The following EXOC6 variants were observed in gnomAD, a reference collection of about 807,000 sequenced individuals.
EXOC6 encodes SEC15-like 1.
In EXOC6, 60 loss-of-function variants were observed where a neutral mutation model predicts 112.5. The observed-to-expected ratio is 0.53, with a 90% CI of 0.43 to 0.66. The LOEUF (loss-of-function observed/expected upper bound fraction) is 0.66, where lower values mean the gene tolerates loss of function less well. Ranked by LOEUF, EXOC6 falls within the 30% of genes least tolerant of loss-of-function variation. The probability of loss-of-function intolerance (pLI) is 0.00; values close to 1 mark genes in which losing one functional copy is unlikely to be tolerated. For missense variants in EXOC6, 855 were observed against 957.1 expected, an observed-to-expected ratio of 0.89 and a Z score of 1.41; for synonymous variants, 295 against 308.0, an observed-to-expected ratio of 0.96 and a Z score of 0.44.
chr10:92,858,025 C>CCCCT lies in EXOC6; in HGVS notation c.101+9394_101+9395insTCCC, dbSNP rs1429555831. On this transcript the variant is annotated intron_variant, in intron 1 of 21. Transcript: ENST00000260762. ...GTAAGATTTTTAGTTGACGGGTTCC[C>CCCCT]CCCCTCCGCCGGCCAGCAGTTTGAA... 1.3e-3 allele frequency among the ~76,000 whole-genome samples: 168 copies of CCCCT among 133,838 alleles called. 22 individuals are homozygous for CCCCT. The East Asian group carries it at 0.013, about 11-fold the overall frequency. The allele number at this position is 133,838 out of a possible 152,430, so 87.8% of individuals were successfully genotyped here.
chr10:93,002,135 C>T (rs545782404), intron 19 of EXOC6, among the ~76,000 whole-genome samples: 1 of 152,116 alleles, frequency 6.6e-6, no homozygotes, highest in African/African-American at 2.4e-5. Context: ...TCTGTGTATT[C>T]CTCCCCCCCT....
intron 18 of EXOC6, among the ~76,000 whole-genome samples, chr10:92,976,655 C>G (rs1294253731): frequency 2.8e-5 from 4 of 141,306 alleles, no homozygotes; most frequent in African/African-American, 1.1e-4. Context: ...CAAGAATGAT[C>G]AGTAAAAAAA....
At chr10:92,886,213 A>G (rs1849206875) in intron 1 of EXOC6, among the ~76,000 whole-genome samples, 2 of 152,234 alleles carry the variant, frequency 1.3e-5, no homozygotes, top group Non-Finnish European at 2.9e-5. Flanking sequence ...GTTCCTACAA[A>G]TCAGAATTTC....
intron 6 of EXOC6, among the ~76,000 whole-genome samples, chr10:92,913,809 A>AT (rs1850935623): frequency 6.6e-6 from 1 of 152,192 alleles, no homozygotes; most frequent in African/African-American, 2.4e-5. Context: ...GGATCTAGCT[A>AT]TTATGCCTAA....
intron 20 of EXOC6, among the ~76,000 whole-genome samples, chr10:93,041,858 C>T (rs1845796581): frequency 6.6e-6 from 1 of 152,196 alleles, no homozygotes; most frequent in Non-Finnish European, 1.5e-5. Context: ...ACTACAGGCA[C>T]ATGCCACCAA....
At position 92,965,491 on chromosome 10, in the gene EXOC6, A is replaced by G. The variant is rs555433561; in HGVS notation, c.1774-8562A>G. Among the ~76,000 whole-genome samples, 82 of 152,292 alleles carry G rather than the reference A, an allele frequency of 5.4e-4. No individual in the cohort carries two copies. In the South Asian group the frequency reaches 8.7e-3, roughly 16 times the overall value. On this transcript the variant is annotated intron_variant, in intron 17 of 21. Transcript: ENST00000260762. Reference sequence around the variant, plus strand: ...TTACATTTTATTTAAGAGTTAGCTGATATGCTGACTAGAATGTCAAGAGTT... The same window carrying G: ...TTACATTTTATTTAAGAGTTAGCTGGTATGCTGACTAGAATGTCAAGAGTT...
chr10:93,036,232 A>G (rs1019701692), intron 20 of EXOC6, among the ~76,000 whole-genome samples: 7 of 147,076 alleles, frequency 4.8e-5, no homozygotes, highest in South Asian at 2.2e-4. Flanking sequence ...AAAAAAAAAG[A>G]AAAAAAAGAG....
chr10:92,891,998 G>A (rs1428122160), intron 1 of EXOC6, among the ~76,000 whole-genome samples: 1 of 152,190 alleles, frequency 6.6e-6, no homozygotes, highest in East Asian at 1.9e-4. Context: ...AAGTTTACCT[G>A]TCCTGCAGAT....
At chr10:93,010,719 A>G (rs1844199199) in intron 19 of EXOC6, among the ~76,000 whole-genome samples, 1 of 149,286 alleles carries the variant, frequency 6.7e-6, no homozygotes, top group Admixed American at 6.7e-5. Flanking sequence ...AAAAAAAAAA[A>G]TGGACTCGGC....
At chr10:92,908,057 C>CTTTTTTTT (rs10632745) in intron 5 of EXOC6, among the ~76,000 whole-genome samples, 3 of 100,704 alleles carry the variant, frequency 3.0e-5, no homozygotes, top group African/African-American at 4.0e-5. Flanking sequence ...AATATAATGT[C>CTTTTTTTT]TTTTTTTTTT....
chr10:93,005,940 G>A (rs1843957104), intron 19 of EXOC6, among the ~76,000 whole-genome samples: 2 of 152,090 alleles, frequency 1.3e-5, no homozygotes, highest in South Asian at 2.1e-4. Flanking sequence ...CTGGAGAATC[G>A]CTTGAGCCCA....
At chr10:92,866,705 TAGC>T (rs761883066) in intron 1 of EXOC6, among the ~76,000 whole-genome samples, 151 of 152,264 alleles carry the variant, frequency 9.9e-4, no homozygotes, top group Admixed American at 2.5e-3. Flanking sequence ...AAAAAAATCT[TAGC>T]AGAATAAAAT....
At chr10:93,029,761 C>T (rs1416783463) in intron 20 of EXOC6, among the ~76,000 whole-genome samples, 1 of 152,136 alleles carries the variant, frequency 6.6e-6, no homozygotes, top group Non-Finnish European at 1.5e-5. Context: ...TGTTTTACCA[C>T]TCATATTTAA....
chr10:93,055,020 A>G (rs920466663), intron 20 of EXOC6, among the ~76,000 whole-genome samples: 4 of 152,118 alleles, frequency 2.6e-5, no homozygotes, highest in East Asian at 3.8e-4. Context: ...AAAAATTACT[A>G]TTTTAGAGGT....
At chr10:92,890,956 G>T (rs1698602359) in intron 1 of EXOC6, among the ~76,000 whole-genome samples, 5 of 152,162 alleles carry the variant, frequency 3.3e-5, no homozygotes, top group Admixed American at 2.0e-4. Flanking sequence ...GCTGTATTGA[G>T]AACAGACTGA....
intron 15 of EXOC6, among the ~76,000 whole-genome samples, chr10:92,952,909 A>G (rs895085234): frequency 1.3e-5 from 2 of 152,222 alleles, no homozygotes; most frequent in Non-Finnish European, 2.9e-5. Flanking sequence ...GGGTGCTGCC[A>G]TAGACACCTA....
intron 7 of EXOC6, among the ~76,000 whole-genome samples, chr10:92,919,118 T>G (rs1851284680): frequency 6.6e-6 from 1 of 152,196 alleles, no homozygotes; most frequent in East Asian, 1.9e-4. Flanking sequence ...AAATAGACCA[T>G]CTAGTCTTCT....
At chr10:92,985,194 C>A (rs897675849) in intron 18 of EXOC6, among the ~76,000 whole-genome samples, 3 of 152,008 alleles carry the variant, frequency 2.0e-5, no homozygotes, top group Non-Finnish European at 4.4e-5. Context: ...ATTGCCTGTG[C>A]TCTCTGGCCC....
At chr10:93,010,359 G>C (rs1472732680) in intron 19 of EXOC6, among the ~76,000 whole-genome samples, 1 of 152,114 alleles carries the variant, frequency 6.6e-6, no homozygotes, top group Admixed American at 6.5e-5. Context: ...ACCTGAATTA[G>C]TTATATAATC....
Sources: gnomAD v4.1 joint callset for allele counts (sites outside exome capture counted in the v4.1 genomes callset) on GRCh38, gnomAD v4.1.1 for gene constraint, MANE v1.5 for transcripts, NCBI Gene and HGNC (gene_info 2026-07-23, HGNC 2026-07-21) for gene names.